The following LRRTM3 variants were observed in gnomAD, a reference collection of about 807,000 sequenced individuals.
LRRTM3 encodes leucine-rich repeat transmembrane neuronal protein 3.
In LRRTM3, 24 loss-of-function variants were observed where a neutral mutation model predicts 44.7. The ratio of observed to expected loss-of-function variants is 0.54; its 90% CI spans 0.39 to 0.76. The LOEUF (loss-of-function observed/expected upper bound fraction) is 0.76, where lower values mean the gene tolerates loss of function less well. Among genes scored for constraint, LRRTM3 ranks in the 30% least tolerant of loss-of-function variants. LRRTM3 has a pLI of 0.00. For synonymous variants in LRRTM3, 277 were observed against 278.7 expected, an observed-to-expected ratio of 0.99 and a Z score of 0.06; for missense variants, 587 against 702.2, an observed-to-expected ratio of 0.84 and a Z score of 1.85.
At chr10:66,955,829 A>G in intron 2 of LRRTM3, among the ~76,000 whole-genome samples, 1 of 152,128 alleles carries the variant, frequency 6.6e-6, no homozygotes, top group East Asian at 1.9e-4. Context: ...CAGATGAGGG[A>G]TTTCAAATTC....
intron 2 of LRRTM3, among the ~76,000 whole-genome samples, chr10:66,935,086 T>G (rs1024798227): frequency 2.0e-5 from 3 of 152,086 alleles, no homozygotes; most frequent in South Asian, 2.1e-4. Context: ...TATTGATCTA[T>G]GTACTTTCTA....
chr10:67,064,460 G>T (rs968164954), intron 2 of LRRTM3, among the ~76,000 whole-genome samples: 2 of 151,996 alleles, frequency 1.3e-5, no homozygotes, highest in Non-Finnish European at 2.9e-5. Flanking sequence ...ATTATAAAAA[G>T]AATTAAAGGA....
At chr10:66,935,189 C>T (rs1272368327) in intron 2 of LRRTM3, among the ~76,000 whole-genome samples, 2 of 152,086 alleles carry the variant, frequency 1.3e-5, no homozygotes, top group Non-Finnish European at 2.9e-5. Flanking sequence ...ACCAGAATCT[C>T]ACAAGAGCTT....
At chr10:67,016,062 A>G (rs1852639085) in intron 2 of LRRTM3, among the ~76,000 whole-genome samples, 1 of 151,814 alleles carries the variant, frequency 6.6e-6, no homozygotes, top group Non-Finnish European at 1.5e-5. Context: ...TCCTTTCTGA[A>G]CCCTATTTTT....
chr10:67,055,189 A>T (rs1300773497), intron 2 of LRRTM3, among the ~76,000 whole-genome samples: 1 of 152,104 alleles, frequency 6.6e-6, no homozygotes, highest in African/African-American at 2.4e-5. Flanking sequence ...TTGCATCTCA[A>T]CTTTCCACAT....
At chr10:67,022,813 C>G (rs1035277146) in intron 2 of LRRTM3, among the ~76,000 whole-genome samples, 18 of 151,972 alleles carry the variant, frequency 1.2e-4, no homozygotes, top group African/African-American at 4.4e-4. Context: ...TGGTGCACGC[C>G]TATAATCCCA....
chr10:66,987,692 A>G (rs555712199), intron 2 of LRRTM3, among the ~76,000 whole-genome samples: 1 of 152,318 alleles, frequency 6.6e-6, no homozygotes, highest in South Asian at 2.1e-4. Context: ...TTACCATTAC[A>G]CTTTAAACAT....
At position 66,932,457 on chromosome 10, in the gene LRRTM3, T is replaced by G. The variant is rs10997443; in HGVS notation, c.1536+4005T>G. Among the ~76,000 whole-genome samples the G allele has an allele frequency of 0.027, 4,042 of 152,190 alleles. 430 individuals are homozygous for G. The East Asian group carries it at 0.38, about 14-fold the overall frequency. Reference sequence around the variant, plus strand: ...TGAGAAATAAAAAATTCAGAATCTGTGTTGCTTCATCTATTCCTTTTTGCT... The same window carrying G: ...TGAGAAATAAAAAATTCAGAATCTGGGTTGCTTCATCTATTCCTTTTTGCT... On this transcript the variant is annotated intron_variant, in intron 2 of 2. Transcript: ENST00000361320.
At chr10:66,982,947 G>A (rs1207216493) in intron 2 of LRRTM3, among the ~76,000 whole-genome samples, 1 of 152,092 alleles carries the variant, frequency 6.6e-6, no homozygotes, top group Non-Finnish European at 1.5e-5. Context: ...GTCTGCAGAG[G>A]GCTTGAGCCT....
At chr10:67,029,904 C>T (rs1853616832) in intron 2 of LRRTM3, among the ~76,000 whole-genome samples, 1 of 152,186 alleles carries the variant, frequency 6.6e-6, no homozygotes, top group South Asian at 2.1e-4. Flanking sequence ...CTGGACAATC[C>T]AGATATAGAA....
chr10:66,951,026 A>T (rs1848510637), intron 2 of LRRTM3, among the ~76,000 whole-genome samples: 1 of 151,432 alleles, frequency 6.6e-6, no homozygotes, highest in African/African-American at 2.4e-5. Flanking sequence ...AAGACAAGTC[A>T]TTTTGCCTTG....
At chr10:66,933,410 T>C (rs143522070) in intron 2 of LRRTM3, among the ~76,000 whole-genome samples, 2 of 152,340 alleles carry the variant, frequency 1.3e-5, no homozygotes, top group African/African-American at 4.8e-5. Flanking sequence ...CAGGCAACTA[T>C]AGCAAGGGCT....
intron 2 of LRRTM3, among the ~76,000 whole-genome samples, chr10:67,079,283 C>G (rs1185638804): frequency 6.6e-6 from 1 of 152,160 alleles, no homozygotes; most frequent in African/African-American, 2.4e-5. Context: ...AAGAAACTAT[C>G]ATAAATACAG....
intron 2 of LRRTM3, among the ~76,000 whole-genome samples, chr10:66,985,395 G>C (rs1051789782): frequency 6.6e-6 from 1 of 152,116 alleles, no homozygotes; most frequent in African/African-American, 2.4e-5. Context: ...GAAAATATAG[G>C]GGAAGGGTGC....
At chr10:67,082,702 TCCTTTTTTCTAAA>T (rs1310986068) in intron 2 of LRRTM3, among the ~76,000 whole-genome samples, 1 of 152,142 alleles carries the variant, frequency 6.6e-6, no homozygotes, top group Non-Finnish European at 1.5e-5. Context: ...TAAAGATACA[TCCTTTTTTCTAAA>T]GATAAAATAA....
chr10:67,023,980 A>G (rs184812354), intron 2 of LRRTM3, among the ~76,000 whole-genome samples: 2 of 152,326 alleles, frequency 1.3e-5, no homozygotes, highest in African/African-American at 4.8e-5. Context: ...CTCAGAGTCT[A>G]TATTAATTTC....
At chr10:66,935,441 C>T (rs1439982624) in intron 2 of LRRTM3, among the ~76,000 whole-genome samples, 3 of 151,896 alleles carry the variant, frequency 2.0e-5, no homozygotes, top group Non-Finnish European at 2.9e-5. Context: ...GGGATTTTGC[C>T]TAATGTATTC....
At chr10:66,958,159 T>C (rs1184790583) in intron 2 of LRRTM3, among the ~76,000 whole-genome samples, 2 of 152,274 alleles carry the variant, frequency 1.3e-5, no homozygotes, top group East Asian at 1.9e-4. Flanking sequence ...CCATCTCTAG[T>C]ATCATTTGTG....
chr10:67,077,287 A>T (rs921718801), intron 2 of LRRTM3, among the ~76,000 whole-genome samples: 1 of 151,950 alleles, frequency 6.6e-6, no homozygotes, highest in Non-Finnish European at 1.5e-5. Flanking sequence ...AGTTCTTATC[A>T]CTCTCGTGCT....
Sources: allele counts gnomAD v4.1 joint callset (sites outside exome capture counted in the v4.1 genomes callset), GRCh38; gene constraint gnomAD v4.1.1; transcripts MANE v1.5; gene names NCBI Gene and HGNC (gene_info 2026-07-23, HGNC 2026-07-21).